The following NEGR1 variants were observed in gnomAD, a reference collection of about 807,000 sequenced individuals.
NEGR1 encodes IgLON family member 4.
In NEGR1, 10 loss-of-function variants were observed where a neutral mutation model predicts 40.9. That is an observed-to-expected ratio of 0.24 (90% CI 0.15 to 0.42). The LOEUF (loss-of-function observed/expected upper bound fraction) is 0.42, where lower values mean the gene tolerates loss of function less well. Among genes scored for constraint, NEGR1 ranks in the 10% least tolerant of loss-of-function variants. NEGR1 has a pLI of 1.00. For missense variants in NEGR1, 352 were observed against 438.9 expected (o/e 0.80, Z 1.77); for synonymous variants, 185 against 166.8 (o/e 1.11, Z -0.84).
intron 4 of NEGR1, among the ~76,000 whole-genome samples, chr1:71,694,097 T>C (rs1653390379): frequency 6.6e-6 from 1 of 151,702 alleles, no homozygotes; most frequent in African/African-American, 2.4e-5. Context: ...CATTCTTTCA[T>C]TTTGTAATTT....
intron 6 of NEGR1, among the ~76,000 whole-genome samples, chr1:71,433,482 C>A (rs1164990626): frequency 6.6e-6 from 1 of 151,996 alleles, no homozygotes; most frequent in African/African-American, 2.4e-5. Context: ...AAAGATATAC[C>A]CGAGACTGGG....
chr1:71,507,405 G>A (rs111632650), intron 6 of NEGR1, among the ~76,000 whole-genome samples: 191 of 152,284 alleles, frequency 1.3e-3, no homozygotes, highest in African/African-American at 4.4e-3. Context: ...ATCACACAAA[G>A]GGAGTCATTA....
chr1:71,447,044 A>G (rs529106380), intron 6 of NEGR1, among the ~76,000 whole-genome samples: 1 of 152,266 alleles, frequency 6.6e-6, no homozygotes, highest in East Asian at 1.9e-4. Context: ...TATCTATTCT[A>G]CTGCTGACAG....
intron 3 of NEGR1, among the ~76,000 whole-genome samples, chr1:71,727,276 T>A (rs1654704539): frequency 6.6e-6 from 1 of 152,170 alleles, no homozygotes; most frequent in African/African-American, 2.4e-5. Context: ...AGGTGATTTC[T>A]AAGTGTGCAT....
chr1:72,006,612 C>A (rs1214356732), intron 1 of NEGR1, among the ~76,000 whole-genome samples: 1 of 152,098 alleles, frequency 6.6e-6, no homozygotes, highest in Non-Finnish European at 1.5e-5. Flanking sequence ...AAGTACCTAA[C>A]TGAATTATGT....
intron 1 of NEGR1, among the ~76,000 whole-genome samples, chr1:72,256,364 T>C (rs1454067884): frequency 6.6e-6 from 1 of 152,206 alleles, no homozygotes; most frequent in Non-Finnish European, 1.5e-5. Flanking sequence ...TGCCATTTAT[T>C]GAAAATTGTA....
chr1:71,576,961 A>G (rs972297066), intron 6 of NEGR1, among the ~76,000 whole-genome samples: 3 of 152,346 alleles, frequency 2.0e-5, no homozygotes, highest in Admixed American at 2.0e-4. Context: ...TGCTATTCCA[A>G]GTGCTGAACT....
chr1:72,106,477 T>C (rs913449792), intron 1 of NEGR1, among the ~76,000 whole-genome samples: 3 of 152,164 alleles, frequency 2.0e-5, no homozygotes, highest in Admixed American at 2.0e-4. Flanking sequence ...TTAGCTTAAG[T>C]TACTCATACT....
At chr1:72,021,851 A>G (rs896796181) in intron 1 of NEGR1, among the ~76,000 whole-genome samples, 4 of 152,118 alleles carry the variant, frequency 2.6e-5, no homozygotes, top group Admixed American at 2.6e-4. Context: ...CGTAGAAACA[A>G]GAGGCTGGGC....
intron 1 of NEGR1, among the ~76,000 whole-genome samples, chr1:72,136,645 CAA>C (rs67974884): frequency 2.1e-4 from 29 of 139,064 alleles, no homozygotes; most frequent in Non-Finnish European, 2.8e-4. Flanking sequence ...TCAATTTGTC[CAA>C]AAAAAAAGGC....
intron 6 of NEGR1, among the ~76,000 whole-genome samples, chr1:71,524,567 GAA>G (rs1647194756): frequency 1.3e-5 from 2 of 151,562 alleles, no homozygotes; most frequent in African/African-American, 4.8e-5. Context: ...GGTTCTGAAG[GAA>G]AATATTAGAT....
intron 2 of NEGR1, among the ~76,000 whole-genome samples, chr1:71,797,157 C>T (rs568169887): frequency 6.6e-6 from 1 of 152,118 alleles, no homozygotes; most frequent in African/African-American, 2.4e-5. Flanking sequence ...GTGCTACATA[C>T]TTTATATCCA....
intron 4 of NEGR1, among the ~76,000 whole-genome samples, chr1:71,688,393 A>AAGAT (rs58551950): frequency 9.3e-5 from 3 of 32,122 alleles, no homozygotes; most frequent in Non-Finnish European, 1.1e-4. Flanking sequence ...AGATATATAA[A>AAGAT]ATATATATAT....
rs1318917820 is a variant in NEGR1 at position 71,596,176 on chromosome 1, T to C, written c.789-3208A>G. Among the ~76,000 whole-genome samples, 3 of 152,142 alleles carry C rather than the reference T, an allele frequency of 2.0e-5. No homozygotes were observed. The East Asian group carries it at 5.8e-4, about 29-fold the overall frequency. ...TACCTGGTCATTTTTCTTCATTGCG[T>C]TTTTATCATAGGGAATATAGTTATA... On this transcript the variant is annotated intron_variant, in intron 5 of 6. Coordinates refer to ENST00000357731, the MANE Select transcript of NEGR1 (RefSeq NM_173808.3).
At chr1:71,855,536 T>C (rs572234984) in intron 2 of NEGR1, among the ~76,000 whole-genome samples, 1 of 152,130 alleles carries the variant, frequency 6.6e-6, no homozygotes, top group African/African-American at 2.4e-5. Flanking sequence ...TGTTGAAAAA[T>C]TAATTGAAAA....
At chr1:71,508,749 A>G (rs1307882713) in intron 6 of NEGR1, among the ~76,000 whole-genome samples, 1 of 152,122 alleles carries the variant, frequency 6.6e-6, no homozygotes, top group Non-Finnish European at 1.5e-5. Flanking sequence ...GGGGTGGGTA[A>G]CTCCAAGCTG....
intron 3 of NEGR1, among the ~76,000 whole-genome samples, chr1:71,704,644 T>C (rs1050351717): frequency 1.3e-5 from 2 of 151,872 alleles, no homozygotes; most frequent in East Asian, 3.8e-4. Flanking sequence ...AAATTGACTT[T>C]GTAATTAAAA....
chr1:71,495,770 A>T (rs1646959029), intron 6 of NEGR1, among the ~76,000 whole-genome samples: 1 of 152,158 alleles, frequency 6.6e-6, no homozygotes. Context: ...GTGAAAAAGT[A>T]TAAGAAAGAG....
chr1:71,657,878 A>T (rs1177044195), intron 4 of NEGR1, among the ~76,000 whole-genome samples: 1 of 152,218 alleles, frequency 6.6e-6, no homozygotes, highest in Non-Finnish European at 1.5e-5. Flanking sequence ...TAAATTAATA[A>T]CTATAGCAGC....
Sources: gnomAD v4.1 joint callset for allele counts (sites outside exome capture counted in the v4.1 genomes callset) on GRCh38, gnomAD v4.1.1 for gene constraint, MANE v1.5 for transcripts, NCBI Gene and HGNC (gene_info 2026-07-23, HGNC 2026-07-21) for gene names.